Variants in PCDHGA2 observed in about 807,000 individuals in gnomAD.
PCDHGA2 encodes the protein protocadherin gamma-A2.
Under a neutral mutation model 59.2 loss-of-function variants are expected in PCDHGA2, and 40 were observed. The ratio of observed to expected loss-of-function variants is 0.68; its 90% CI spans 0.52 to 0.88. The LOEUF is 0.88. PCDHGA2 is among the 40% of genes least tolerant of loss of function. The pLI, the probability that PCDHGA2 is intolerant of heterozygous loss-of-function variation, is 0.00. For synonymous variants in PCDHGA2, 560 were observed against 526.0 expected, an observed-to-expected ratio of 1.06 and a Z score of -0.89; for missense variants, 1,226 against 1,204.0, an observed-to-expected ratio of 1.02 and a Z score of -0.27.
At chr5:141,383,222 T>C in intron 1 of PCDHGA2, 1 of 1,613,962 alleles carries the variant, frequency 6.2e-7, no homozygotes, top group Non-Finnish European at 8.5e-7. Context: ...AACTTTAACA[T>C]CCTGATGGAA....
rs1386618398 is a variant in PCDHGA2 at position 141,339,282 on chromosome 5, T to A, written c.311T>A (p.Leu104Ter). 1 of 1,614,142 alleles carries A rather than the reference T, an allele frequency of 6.2e-7. No homozygotes were observed. Among genetic ancestry groups the A allele is most frequent in the East Asian group, 2.2e-5 (1 of 44,894 alleles). ...ELCAQSAPCL[L>*]NFNILLEDKL... ...TGCGCTCAGAGCGCACCCTGTCTGT[T>A]GAATTTTAACATTCTGCTGGAGGAT... is the stretch of plus-strand genomic sequence containing the variant. The change falls in exon 1 of 4, where the codon TTG (leucine) becomes TAG (stop). Residue 104 changes from leucine (L) to a stop codon, truncating the protein, a stop_gained. Transcript: ENST00000394576. LOFTEE classifies it high-confidence loss of function.
chr5:141,348,926 A>C (rs918140752), intron 1 of PCDHGA2, among the ~76,000 whole-genome samples: 7 of 152,210 alleles, frequency 4.6e-5, no homozygotes, highest in Non-Finnish European at 7.3e-5. Flanking sequence ...CTTTGAACCA[A>C]GACTGGTTCT....
intron 1 of PCDHGA2, chr5:141,351,680 G>A: frequency 1.9e-6 from 3 of 1,613,972 alleles, no homozygotes; most frequent in South Asian, 2.2e-5. Context: ...AAGCGCCTCC[G>A]ACCCGGATTT....
rs759737266 is a variant in PCDHGA2 at position 141,489,464 on chromosome 5, T to A, written c.2425-5343T>A. 5 of 1,614,030 alleles carry A rather than the reference T, an allele frequency of 3.1e-6. No homozygotes were observed. In the South Asian group the frequency reaches 3.3e-5, roughly 11 times the overall value. On this transcript the variant is annotated intron_variant, in intron 1 of 3. Transcript: ENST00000394576. The surrounding 1 kb of genome is among the most constrained non-coding windows in gnomAD (Gnocchi z 4.5). ...GGCTCTGAGGAGAATGGGCGCTATT[T>A]TTCCCTGAGCTTGATGAGTGGTGCC...
At position 141,476,051 on chromosome 5, in the gene PCDHGA2, GA is replaced by G; in HGVS notation, c.2425-18753del. On this transcript the variant is annotated intron_variant, in intron 1 of 3. Transcript: ENST00000394576. This position sits in a 1 kb window ranked among gnomAD's most constrained non-coding sequence, Gnocchi z 7.6. ...CCCAGCGCCCAAGCGCTAACCCGCT[GA>G]AAGTTTCTCAGCGAAATCTCAGGGA... 1.3e-6 allele frequency: 2 copies of G among 1,504,270 alleles called. No individual in the cohort carries two copies. The highest frequency in any genetic ancestry group is 1.8e-6 in the Non-Finnish European group (2 of 1,133,694). The allele number at this position is 1,504,270 out of a possible 1,614,324, so 93.2% of individuals were successfully genotyped here.
chr5:141,372,348 C>A, intron 1 of PCDHGA2: 1 of 1,613,852 alleles, frequency 6.2e-7, no homozygotes, highest in Middle Eastern at 1.6e-4. Context: ...TGGAGGACAG[C>A]AGCCTCTTTC....
intron 1 of PCDHGA2, among the ~76,000 whole-genome samples, chr5:141,354,713 G>A (rs1759614162): frequency 6.6e-6 from 1 of 152,158 alleles, no homozygotes; most frequent in Non-Finnish European, 1.5e-5. Flanking sequence ...CTGAGAATGG[G>A]CTGTGGGGAT....
chr5:141,419,443 C>G lies in PCDHGA2; in HGVS notation c.2425-75364C>G, dbSNP rs1476796525. ...TCGACCACGAGCAGCTGCGCACCTT[C>G]GAGCTCACGCTGCAGGCCCGCGACC... On this transcript the variant is annotated intron_variant, in intron 1 of 3. Coordinates refer to ENST00000394576, the MANE Select transcript of PCDHGA2 (RefSeq NM_018915.4). 6.2e-7 allele frequency: 1 copy of G among 1,613,080 alleles called. No individual in the cohort carries two copies. Among genetic ancestry groups the G allele is most frequent in the Non-Finnish European group, 8.5e-7 (1 of 1,179,758 alleles).
chr5:141,508,826 C>T (rs2099872187), intron 3 of PCDHGA2, among the ~76,000 whole-genome samples: 1 of 152,092 alleles, frequency 6.6e-6, no homozygotes, highest in South Asian at 2.1e-4. Context: ...AGATCTGGGC[C>T]CCCCTCCCCT....
intron 1 of PCDHGA2, chr5:141,364,794 C>T (rs1763540796): frequency 6.2e-7 from 1 of 1,613,872 alleles, no homozygotes; most frequent in Non-Finnish European, 8.5e-7. Context: ...TTAGTGCTTC[C>T]CTTCGCGCGG....
At chr5:141,423,790 T>C (rs1561813105) in intron 1 of PCDHGA2, 2 of 1,261,874 alleles carry the variant, frequency 1.6e-6, no homozygotes, top group Non-Finnish European at 1.0e-6. Context: ...TTCATATATA[T>C]TTAGAGCAAT....
intron 1 of PCDHGA2, chr5:141,394,850 G>A (rs778925348): frequency 1.1e-5 from 17 of 1,613,702 alleles, no homozygotes; most frequent in Non-Finnish European, 1.4e-5. Context: ...GCAGTCTGAA[G>A]CCTTCGGTCG....
At chr5:141,363,325 T>C (rs1762878436) in intron 1 of PCDHGA2, among the ~76,000 whole-genome samples, 1 of 152,276 alleles carries the variant, frequency 6.6e-6, no homozygotes, top group South Asian at 2.1e-4. Flanking sequence ...ATGAAAGTGT[T>C]ATTAAATAAA....
chr5:141,371,651 T>C, intron 1 of PCDHGA2: 1 of 1,613,998 alleles, frequency 6.2e-7, no homozygotes, highest in Admixed American at 1.7e-5. Flanking sequence ...CAGAATACAA[T>C]GTGACGATCA....
chr5:141,372,473 A>G lies in PCDHGA2; in HGVS notation c.2424+31078A>G, dbSNP rs780091616. 54 of 1,613,996 alleles carry G rather than the reference A, an allele frequency of 3.3e-5. 1 individual carries two copies. The South Asian group carries it at 3.6e-4, about 11-fold the overall frequency. On this transcript the variant is annotated intron_variant, in intron 1 of 3. Transcript: ENST00000394576. ...AGGCGGAGCTACAGTTTCACCTAGT[A>G]GTGGCGTTGGCCTTGATCTCAGTGC... is the stretch of plus-strand genomic sequence containing the variant.
At chr5:141,445,109 T>C (rs571834974) in intron 1 of PCDHGA2, among the ~76,000 whole-genome samples, 23 of 152,246 alleles carry the variant, frequency 1.5e-4, no homozygotes, top group Non-Finnish European at 2.8e-4. Flanking sequence ...TCTAATGTTA[T>C]TGTAAATAGT....
intron 1 of PCDHGA2, chr5:141,400,148 G>A (rs377393833): frequency 2.5e-6 from 4 of 1,614,056 alleles, no homozygotes; most frequent in African/African-American, 2.7e-5. Flanking sequence ...ATCACTGACC[G>A]CCCTGTACCC....
At chr5:141,408,959 G>A (rs1434961395) in intron 1 of PCDHGA2, 1 of 1,613,722 alleles carries the variant, frequency 6.2e-7, no homozygotes, top group East Asian at 2.2e-5. Context: ...TAGTCTTAGT[G>A]AAAATCTGCC....
chr5:141,474,908 T>C (rs1016814167), intron 1 of PCDHGA2, among the ~76,000 whole-genome samples: 7 of 152,242 alleles, frequency 4.6e-5, no homozygotes, highest in African/African-American at 1.4e-4. Flanking sequence ...TGTTCAAGGA[T>C]ATACATCTCA....
Sources: allele counts gnomAD v4.1 joint callset (sites outside exome capture counted in the v4.1 genomes callset), GRCh38; gene constraint gnomAD v4.1.1; non-coding constraint Gnocchi (gnomAD v3.1); transcripts MANE v1.5; gene names NCBI Gene and HGNC (gene_info 2026-07-23, HGNC 2026-07-21).